GNA14: variants seen among roughly 807,000 people sequenced by gnomAD.
GNA14 encodes G protein subunit alpha 14.
In GNA14, 50 loss-of-function variants were observed where a neutral mutation model predicts 42.0. The observed-to-expected ratio is 1.19, with a 90% CI of 0.95 to 1.51. GNA14 has a LOEUF of 1.51. Among genes scored for constraint, GNA14 ranks in the 40% most tolerant of loss-of-function variants. The pLI is 0.00. For missense variants in GNA14, 473 were observed against 446.2 expected, an observed-to-expected ratio of 1.06 and a Z score of -0.54; for synonymous variants, 173 against 163.1, an observed-to-expected ratio of 1.06 and a Z score of -0.46.
intron 1 of GNA14, among the ~76,000 whole-genome samples, chr9:77,586,004 T>C (rs1436594098): frequency 1.3e-5 from 2 of 152,194 alleles, no homozygotes; most frequent in Admixed American, 6.5e-5. Flanking sequence ...GCAGTCTTAG[T>C]GGTGCTAACA....
chr9:77,629,501 CTGGATAAAGAAAATG>C (rs1824061758), intron 1 of GNA14, among the ~76,000 whole-genome samples: 1 of 152,144 alleles, frequency 6.6e-6, no homozygotes, highest in African/African-American at 2.4e-5. Context: ...CAATGATAGA[CTGGATAAAGAAAATG>C]TGGTACATAT....
chr9:77,434,527 T>TCAAAGGAAAGAGAACCTTGCATCAGG lies in GNA14; in HGVS notation c.310-31_310-6dup, dbSNP rs1835612348. The TCAAAGGAAAGAGAACCTTGCATCAGG allele has an allele frequency of 6.2e-7, 1 of 1,611,372 alleles. No homozygotes were observed. Among genetic ancestry groups the TCAAAGGAAAGAGAACCTTGCATCAGG allele is most frequent in the South Asian group, 1.1e-5 (1 of 90,740 alleles). The stretch of plus-strand genomic sequence containing the variant: ...TCTGATTATCTGGGCATTTTCCTAC[T>TCAAAGGAAAGAGAACCTTGCATCAGG]CAAAGGAAAGAGAACCTTGCATCAG... On this transcript the variant is annotated splice_polypyrimidine_tract_variant and splice_region_variant and intron_variant, in intron 2 of 6. Coordinates refer to ENST00000341700, the MANE Select transcript of GNA14 (RefSeq NM_004297.4).
At chr9:77,592,348 G>C (rs1587841207) in intron 1 of GNA14, among the ~76,000 whole-genome samples, 1 of 152,168 alleles carries the variant, frequency 6.6e-6, no homozygotes, top group East Asian at 1.9e-4. Flanking sequence ...CATAAGTGAA[G>C]GACAGTGAAT....
intron 2 of GNA14, among the ~76,000 whole-genome samples, chr9:77,522,845 A>C (rs1251935096): frequency 6.6e-6 from 1 of 152,224 alleles, no homozygotes; most frequent in East Asian, 1.9e-4. Flanking sequence ...CAGTAGGAAG[A>C]GGAGGAACTC....
chr9:77,475,086 C>A (rs919815826), intron 2 of GNA14, among the ~76,000 whole-genome samples: 1 of 151,036 alleles, frequency 6.6e-6, no homozygotes, highest in African/African-American at 2.5e-5. Context: ...AGTTGGCTGG[C>A]AGCTGTTTGT....
At chr9:77,456,635 C>T (rs1259589691) in intron 2 of GNA14, 2 of 151,944 alleles carry the variant, frequency 1.3e-5, no homozygotes, top group African/African-American at 2.4e-5. Context: ...TAATATTCAC[C>T]GTGGAACTGA....
chr9:77,477,453 C>G (rs1836451763), intron 2 of GNA14, among the ~76,000 whole-genome samples: 1 of 152,192 alleles, frequency 6.6e-6, no homozygotes, highest in Admixed American at 6.5e-5. Flanking sequence ...ATATGGCAGC[C>G]AGAGTTGAAA....
chr9:77,584,436 T>C (rs959526616), intron 1 of GNA14, among the ~76,000 whole-genome samples: 2 of 152,196 alleles, frequency 1.3e-5, no homozygotes, highest in Admixed American at 1.3e-4. Flanking sequence ...AGCTTGCCTT[T>C]CCTTTCACCA....
intron 1 of GNA14, among the ~76,000 whole-genome samples, chr9:77,630,581 GAATT>G (rs1228930987): frequency 2.6e-5 from 4 of 152,080 alleles, no homozygotes; most frequent in East Asian, 1.9e-4. Flanking sequence ...TTAATTAACT[GAATT>G]AATAAGTGAA....
rs778013639 is a variant in GNA14 at position 77,644,437 on chromosome 9, C to CCAAAAAAAAAAAAA, written c.124+3232_124+3233insTTTTTTTTTTTTTG. 2.6e-3 allele frequency among the ~76,000 whole-genome samples: 88 copies of CCAAAAAAAAAAAAA among 34,020 alleles called. 2 individuals carry two copies. Among genetic ancestry groups the CCAAAAAAAAAAAAA allele is most frequent in the Non-Finnish European group, 2.9e-3 (57 of 19,350 alleles). 22.3% of individuals were successfully genotyped at this position (34,020 alleles called of 152,430 possible). ...TACTGAACTCCAACCTAAAGAGTGTCAAAAAAAAAAAAAAAAAAAAAAAAA... is the reference window on the plus strand; with the variant it reads ...TACTGAACTCCAACCTAAAGAGTGTCCAAAAAAAAAAAAAAAAAAAAAAAAAAAAAAAAAAAAAA... On this transcript the variant is annotated intron_variant, in intron 1 of 6. Transcript: ENST00000341700.
At chr9:77,481,436 T>C (rs1171954398) in intron 2 of GNA14, among the ~76,000 whole-genome samples, 2 of 152,240 alleles carry the variant, frequency 1.3e-5, no homozygotes, top group Non-Finnish European at 2.9e-5. Flanking sequence ...ATTTCTGTTC[T>C]TTTACATTTG....
intron 2 of GNA14, among the ~76,000 whole-genome samples, chr9:77,512,998 A>G (rs1471253936): frequency 1.3e-5 from 2 of 152,234 alleles, no homozygotes; most frequent in Non-Finnish European, 2.9e-5. Context: ...TCAATCCTCA[A>G]ACTTTATCCA....
intron 1 of GNA14, among the ~76,000 whole-genome samples, chr9:77,622,603 CT>C (rs1021184025): frequency 1.2e-3 from 177 of 151,460 alleles, no homozygotes; most frequent in African/African-American, 4.3e-3. Context: ...CTCGTCTCTA[CT>C]AAAAATACAA....
At chr9:77,564,820 A>T (rs2131791396) in intron 1 of GNA14, among the ~76,000 whole-genome samples, 1 of 139,698 alleles carries the variant, frequency 7.2e-6, no homozygotes, top group African/African-American at 2.7e-5. Context: ...GTGACGAAGC[A>T]AGAATCTGTC....
At chr9:77,463,986 G>T (rs1356941933) in intron 2 of GNA14, among the ~76,000 whole-genome samples, 1 of 152,136 alleles carries the variant, frequency 6.6e-6, no homozygotes, top group African/African-American at 2.4e-5. Flanking sequence ...ACCTTAGCTG[G>T]AACTGGTTTG....
At chr9:77,459,437 G>A (rs752777458) in intron 2 of GNA14, among the ~76,000 whole-genome samples, 2 of 151,908 alleles carry the variant, frequency 1.3e-5, no homozygotes, top group Non-Finnish European at 2.9e-5. Flanking sequence ...ATGACGCCTG[G>A]CCTCGCCTCC....
chr9:77,551,904 C>A, intron 1 of GNA14, among the ~76,000 whole-genome samples: 1 of 151,878 alleles, frequency 6.6e-6, no homozygotes, highest in East Asian at 1.9e-4. Context: ...CTTTGGGAGG[C>A]CGAGTCAGGC....
rs764737417 is a variant in GNA14, at chr9:77,644,437, CAAAAA to C, written c.124+3228_124+3232del. Reference sequence around the variant, plus strand: ...TACTGAACTCCAACCTAAAGAGTGTCAAAAAAAAAAAAAAAAAAAAAAAAAAAGAC... The same window carrying C: ...TACTGAACTCCAACCTAAAGAGTGTCAAAAAAAAAAAAAAAAAAAAAAGAC... On this transcript the variant is annotated intron_variant, in intron 1 of 6. Transcript: ENST00000341700. Among the ~76,000 whole-genome samples the C allele has an allele frequency of 3.8e-3, 128 of 34,016 alleles. 1 individual carries two copies. The highest frequency in any genetic ancestry group is 0.02 in the Middle Eastern group (1 of 50). The allele number at this position is 34,016 out of a possible 152,430, so 22.3% of individuals were successfully genotyped here. A position where few individuals can be genotyped will look rare whatever the true frequency, so the allele number is the denominator to read the frequency against.
At chr9:77,427,529 T>G (rs2131686534) in intron 5 of GNA14, among the ~76,000 whole-genome samples, 1 of 131,730 alleles carries the variant, frequency 7.6e-6, no homozygotes, top group East Asian at 2.0e-4. Context: ...CTTTATTGAT[T>G]TACTTTCACG....
Sources: gnomAD v4.1 joint callset for allele counts (sites outside exome capture counted in the v4.1 genomes callset) on GRCh38, gnomAD v4.1.1 for gene constraint, MANE v1.5 for transcripts, NCBI Gene and HGNC (gene_info 2026-07-23, HGNC 2026-07-21) for gene names.